The following CELF4 variants were observed in gnomAD, a reference collection of about 807,000 sequenced individuals.
CELF4 encodes CUGBP Elav-like family member 4.
A neutral mutation model predicts 59.9 loss-of-function variants in CELF4; 18 were observed. The ratio of observed to expected loss-of-function variants is 0.30; its 90% CI spans 0.21 to 0.45. The LOEUF (loss-of-function observed/expected upper bound fraction) is 0.45. Ranked by LOEUF, CELF4 falls within the 20% of genes least tolerant of loss-of-function variation. The pLI is 1.00. For synonymous variants in CELF4, 261 were observed against 267.1 expected, an observed-to-expected ratio of 0.98 and a Z score of 0.22; for missense variants, 456 against 689.0, an observed-to-expected ratio of 0.66 and a Z score of 3.79.
rs116482263 is a variant in CELF4 at position 37,339,620 on chromosome 18, A to G, written c.370-17739T>C. Among the ~76,000 whole-genome samples, 475 of 152,162 alleles carry G rather than the reference A, an allele frequency of 3.1e-3. 2 individuals are homozygous for G. The highest frequency in any genetic ancestry group is 0.011 in the African/African-American group (456 of 41,536). On this transcript the variant is annotated intron_variant, in intron 2 of 12. Coordinates refer to ENST00000420428, the MANE Select transcript of CELF4 (RefSeq NM_020180.4). ...AATACAAAACATAACCAGGTGTGAT[A>G]GCACACATCTGTAATCCCAGGTACA...
At chr18:37,294,351 A>G (rs1395603543) in intron 3 of CELF4, among the ~76,000 whole-genome samples, 2 of 152,234 alleles carry the variant, frequency 1.3e-5, no homozygotes, top group Non-Finnish European at 2.9e-5. Context: ...CCATGGCCAT[A>G]GATGTCACCA....
chr18:37,377,487 C>T (rs1182232751), intron 2 of CELF4, among the ~76,000 whole-genome samples: 1 of 152,228 alleles, frequency 6.6e-6, no homozygotes, highest in Non-Finnish European at 1.5e-5. Context: ...CCCTGGGTGA[C>T]TGTAATGCTC....
At chr18:37,283,230 G>T (rs2094360044) in intron 3 of CELF4, among the ~76,000 whole-genome samples, 1 of 151,448 alleles carries the variant, frequency 6.6e-6, no homozygotes, top group Non-Finnish European at 1.5e-5. Flanking sequence ...CCTGAGGTTG[G>T]AGCCACCCAG....
At chr18:37,312,685 T>C (rs1377657587) in intron 3 of CELF4, among the ~76,000 whole-genome samples, 1 of 152,098 alleles carries the variant, frequency 6.6e-6, no homozygotes, top group Non-Finnish European at 1.5e-5. Context: ...AAAAATGTTT[T>C]AAAATGGAAG....
At chr18:37,452,799 T>C (rs2099767699) in intron 2 of CELF4, among the ~76,000 whole-genome samples, 1 of 152,182 alleles carries the variant, frequency 6.6e-6, no homozygotes, top group South Asian at 2.1e-4. Flanking sequence ...AACCCCCAAA[T>C]GGTTCCAGAA....
chr18:37,488,742 C>A (rs143264440), intron 1 of CELF4, among the ~76,000 whole-genome samples: 1 of 152,192 alleles, frequency 6.6e-6, no homozygotes, highest in African/African-American at 2.4e-5. Flanking sequence ...CCAGTGAAAA[C>A]CCCTTTCCTC....
intron 1 of CELF4, among the ~76,000 whole-genome samples, chr18:37,515,078 CTCTT>C (rs1235998634): frequency 6.6e-6 from 1 of 152,150 alleles, no homozygotes; most frequent in Non-Finnish European, 1.5e-5. Context: ...TTGCCTGTGT[CTCTT>C]TCTGAGTGCT....
chr18:37,464,619 T>C (rs1353092431), intron 2 of CELF4, among the ~76,000 whole-genome samples: 1 of 152,164 alleles, frequency 6.6e-6, no homozygotes, highest in East Asian at 1.9e-4. Flanking sequence ...GGTGTGTTTC[T>C]CAGACAGGCT....
At chr18:37,344,004 G>A (rs953744338) in intron 2 of CELF4, among the ~76,000 whole-genome samples, 6 of 152,088 alleles carry the variant, frequency 3.9e-5, no homozygotes, top group Non-Finnish European at 7.4e-5. Flanking sequence ...TGTCTAAGAA[G>A]CCCCTTCTCC....
intron 2 of CELF4, among the ~76,000 whole-genome samples, chr18:37,461,714 T>C (rs763614979): frequency 9.9e-5 from 15 of 152,208 alleles, no homozygotes; most frequent in Non-Finnish European, 2.1e-4. Context: ...TGGTCAGTGG[T>C]CACCGAGTCC....
intron 2 of CELF4, among the ~76,000 whole-genome samples, chr18:37,456,785 T>A (rs1190747512): frequency 3.9e-5 from 6 of 152,102 alleles, no homozygotes; most frequent in African/African-American, 1.4e-4. Context: ...CATGCCCAGG[T>A]GAGAGGCAAA....
chr18:37,441,365 A>T (rs539527261), intron 2 of CELF4, among the ~76,000 whole-genome samples: 5 of 151,800 alleles, frequency 3.3e-5, no homozygotes, highest in African/African-American at 1.2e-4. Context: ...CTGTAAGTGC[A>T]TTAGTGGCTG....
At chr18:37,310,027 A>G (rs2096588228) in intron 3 of CELF4, among the ~76,000 whole-genome samples, 1 of 151,338 alleles carries the variant, frequency 6.6e-6, no homozygotes, top group Admixed American at 6.6e-5. Context: ...TGTCAATCAA[A>G]CCTTGCCAGA....
At chr18:37,524,190 G>A (rs966090092) in intron 1 of CELF4, among the ~76,000 whole-genome samples, 2 of 152,174 alleles carry the variant, frequency 1.3e-5, no homozygotes, top group Non-Finnish European at 2.9e-5. Flanking sequence ...GGAGAGAAAA[G>A]GCCACTTAAA....
intron 2 of CELF4, among the ~76,000 whole-genome samples, chr18:37,440,574 G>A (rs72889346): frequency 0.22 from 33,599 of 152,152 alleles, 4,536 homozygotes; most frequent in South Asian, 0.39. Context: ...GAGGAGAAGT[G>A]GTGTCTCCTT....
intron 2 of CELF4, among the ~76,000 whole-genome samples, chr18:37,355,027 C>A (rs1248428011): frequency 6.6e-6 from 1 of 152,194 alleles, no homozygotes; most frequent in Non-Finnish European, 1.5e-5. Context: ...TGTGTGCCTA[C>A]TGTGCATATG....
intron 2 of CELF4, among the ~76,000 whole-genome samples, chr18:37,386,417 G>A (rs775373685): frequency 3.9e-5 from 6 of 152,206 alleles, no homozygotes; most frequent in African/African-American, 1.2e-4. Flanking sequence ...GGGGAGAGAC[G>A]GGAAGGCAGT....
At chr18:37,521,500 A>C (rs941000614) in intron 1 of CELF4, among the ~76,000 whole-genome samples, 1 of 152,176 alleles carries the variant, frequency 6.6e-6, no homozygotes, top group Non-Finnish European at 1.5e-5. Context: ...ATCTAAAATC[A>C]TATTAATATT....
chr18:37,471,937 C>A (rs909218293), intron 2 of CELF4, among the ~76,000 whole-genome samples: 1 of 152,196 alleles, frequency 6.6e-6, no homozygotes, highest in Non-Finnish European at 1.5e-5. Flanking sequence ...GTCTCTCGGC[C>A]TTGAAGGGCC....
Sources: allele counts gnomAD v4.1 joint callset (sites outside exome capture counted in the v4.1 genomes callset), GRCh38; gene constraint gnomAD v4.1.1; transcripts MANE v1.5; gene names NCBI Gene and HGNC (gene_info 2026-07-23, HGNC 2026-07-21).